Variants in PCDHGA9 observed in about 807,000 individuals in gnomAD.
PCDHGA9 encodes the protein protocadherin gamma-A9.
In PCDHGA9, 37 loss-of-function variants were observed where a neutral mutation model predicts 62.5. The ratio of observed to expected loss-of-function variants is 0.59; its 90% CI spans 0.46 to 0.78. PCDHGA9 has a LOEUF of 0.78. Ranked by LOEUF, PCDHGA9 falls within the 30% of genes least tolerant of loss-of-function variation. PCDHGA9 has a pLI of 0.00. For missense variants in PCDHGA9, 1,138 were observed against 1,166.2 expected (o/e 0.98, Z 0.35); for synonymous variants, 459 against 484.6 (o/e 0.95, Z 0.69).
In PCDHGA9 at chr5:141,433,358, C is replaced by CCTATCTATCTATCTAT. The variant is rs3074541; in HGVS notation, c.2424+28015_2424+28030dup. ...ACAGGTGCAAGCCACCTACTGTCTG[C>CCTATCTATCTATCTAT]CTATCTATCTATCTATCTATCTATC... On this transcript the variant is annotated intron_variant, in intron 1 of 3. Coordinates refer to ENST00000573521, the MANE Select transcript of PCDHGA9 (RefSeq NM_018921.3). 1.1e-3 allele frequency: 566 copies of CCTATCTATCTATCTAT among 504,038 alleles called. 2 individuals carry two copies. The highest frequency in any genetic ancestry group is 1.7e-3 in the East Asian group (49 of 28,778). The allele number at this position is 504,038 out of a possible 1,614,324, so 31.2% of individuals were successfully genotyped here.
Position 141,470,005 on chromosome 5 carries a change from T to A in PCDHGA9, c.2425-24802T>A, listed in dbSNP as rs189976589. Reference sequence around the variant, plus strand: ...AATTAGCTGGTCGTCGTGGCACGCCTGTAATCCCAGCTACTCGGGATGCTG... The same window carrying A: ...AATTAGCTGGTCGTCGTGGCACGCCAGTAATCCCAGCTACTCGGGATGCTG... On this transcript the variant is annotated intron_variant, in intron 1 of 3. Coordinates refer to ENST00000573521, the MANE Select transcript of PCDHGA9 (RefSeq NM_018921.3). 2.4e-4 allele frequency among the ~76,000 whole-genome samples: 37 copies of A among 152,254 alleles called. 2 individuals carry two copies. The highest frequency in any genetic ancestry group is 7.2e-4 in the Admixed American group (11 of 15,274).
Position 141,476,949 on chromosome 5 carries a change from A to G in PCDHGA9, c.2425-17858A>G. The stretch of plus-strand genomic sequence containing the variant: ...GATCTGGATGAAGGCCCCAACGGTG[A>G]AATTATTTACTCCTTCGGCAGCCAC... On this transcript the variant is annotated intron_variant, in intron 1 of 3. Transcript: ENST00000573521. The surrounding 1 kb of genome is among the most constrained non-coding windows in gnomAD (Gnocchi z 7.6). 6.2e-7 allele frequency: 1 copy of G among 1,614,200 alleles called. No individual in the cohort carries two copies. Among genetic ancestry groups the G allele is most frequent in the Admixed American group, 1.7e-5 (1 of 60,038 alleles).
rs373297942 is a variant in PCDHGA9 at position 141,431,494 on chromosome 5, C to G, written c.2424+26118C>G. ...ACAACGCACCAGCGTTTGCTCAGCCCGAGTACCGCGCGAGCGTTCCGGAGA... is the reference window on the plus strand; with the variant it reads ...ACAACGCACCAGCGTTTGCTCAGCCGGAGTACCGCGCGAGCGTTCCGGAGA... On this transcript the variant is annotated intron_variant, in intron 1 of 3. Transcript: ENST00000573521. This position sits in a 1 kb window ranked among gnomAD's most constrained non-coding sequence, Gnocchi z 4.8. 16 of 1,613,838 alleles carry G rather than the reference C, an allele frequency of 9.9e-6. No individual in the cohort carries two copies. The highest frequency in any genetic ancestry group is 1.4e-5 in the Non-Finnish European group (16 of 1,180,030).
rs888556794 is a variant in PCDHGA9 at position 141,493,414 on chromosome 5, A to T, written c.2425-1393A>T. Among the ~76,000 whole-genome samples, 2 of 152,058 alleles carry T rather than the reference A, an allele frequency of 1.3e-5. No individual in the cohort carries two copies. Among genetic ancestry groups the T allele is most frequent in the Admixed American group, 6.6e-5 (1 of 15,248 alleles). ...GGAGAGGGGAGTTGCCTCTGCTGGG[A>T]TTTTGCTTCTGCTGGGATGGGGCAA... On this transcript the variant is annotated intron_variant, in intron 1 of 3. Coordinates refer to ENST00000573521, the MANE Select transcript of PCDHGA9 (RefSeq NM_018921.3). The surrounding 1 kb of genome is among the most constrained non-coding windows in gnomAD (Gnocchi z 4.3).
At position 141,403,454 on chromosome 5, in the gene PCDHGA9, C is replaced by A; in HGVS notation, c.502C>A (p.Gln168Lys). 6.2e-7 allele frequency: 1 copy of A among 1,614,054 alleles called. No homozygotes were observed. Among genetic ancestry groups the A allele is most frequent in the Non-Finnish European group, 8.5e-7 (1 of 1,179,902 alleles). Reference sequence around the variant, plus strand: ...TCCGGATGTTGGCGTGAACTCCCTCCAGAGCTACCAGCTCAGCCCCAATCA... The same window carrying A: ...TCCGGATGTTGGCGTGAACTCCCTCAAGAGCTACCAGCTCAGCCCCAATCA... ...IDPDVGVNSL[Q>K]SYQLSPNHHF... Residue 168 changes from glutamine to lysine, a missense_variant, in exon 1 of 4, where the codon CAG becomes AAG. By Grantham distance (53) the Gln-to-Lys change is moderately conservative. Transcript: ENST00000573521.
At chr5:141,471,860 A>G (rs1470502617) in intron 1 of PCDHGA9, among the ~76,000 whole-genome samples, 1 of 152,202 alleles carries the variant, frequency 6.6e-6, no homozygotes, top group Non-Finnish European at 1.5e-5. Flanking sequence ...AAAAAGCAAA[A>G]CTGTGGTTGC....
intron 1 of PCDHGA9, chr5:141,409,079 T>C (rs2095221320): frequency 2.5e-6 from 4 of 1,613,908 alleles, no homozygotes; most frequent in Non-Finnish European, 3.4e-6. Context: ...ACATATGTTC[T>C]CATTGGATGA....
At chr5:141,429,039 A>G (rs565483195) in intron 1 of PCDHGA9, 1 of 152,202 alleles carries the variant, frequency 6.6e-6, no homozygotes, top group East Asian at 1.9e-4. Flanking sequence ...CATTTTTAGT[A>G]CAGACGGGGT....
chr5:141,414,723 C>A (rs775890033), intron 1 of PCDHGA9: 2 of 1,614,170 alleles, frequency 1.2e-6, no homozygotes, highest in South Asian at 2.2e-5. Flanking sequence ...CAGACACTGG[C>A]GTCCTGTATG....
At chr5:141,479,964 A>G (rs188553800) in intron 1 of PCDHGA9, among the ~76,000 whole-genome samples, 1 of 152,330 alleles carries the variant, frequency 6.6e-6, no homozygotes, top group East Asian at 1.9e-4. Context: ...AGTTAGTCAA[A>G]TGAGGTTCTA....
At position 141,476,002 on chromosome 5, in the gene PCDHGA9, C is replaced by A; in HGVS notation, c.2425-18805C>A. 1 of 1,247,396 alleles carries A rather than the reference C, an allele frequency of 8.0e-7. No individual in the cohort carries two copies. Among genetic ancestry groups the A allele is most frequent in the Non-Finnish European group, 1.1e-6 (1 of 904,880 alleles). 77.3% of individuals were successfully genotyped at this position (1,247,396 alleles called of 1,614,324 possible). ...AGCCGGCGAGCAAATCAACGGCATC[C>A]AGAAAGCCATGTCGGACTCGGCGCC... On this transcript the variant is annotated intron_variant, in intron 1 of 3. Transcript: ENST00000573521. This position sits in a 1 kb window ranked among gnomAD's most constrained non-coding sequence, Gnocchi z 7.6.
At chr5:141,435,954 G>A (rs1163590812) in intron 1 of PCDHGA9, among the ~76,000 whole-genome samples, 2 of 152,092 alleles carry the variant, frequency 1.3e-5, no homozygotes, top group African/African-American at 2.4e-5. Flanking sequence ...AAAAAAGGGG[G>A]CAAAATATAG....
intron 1 of PCDHGA9, chr5:141,409,419 CAGAT>C (rs1303289792): frequency 3.1e-6 from 5 of 1,614,028 alleles, no homozygotes; most frequent in Non-Finnish European, 3.4e-6. Context: ...AAACTGGTGA[CAGAT>C]GGAGCCCTGG....
chr5:141,485,093 T>C lies in PCDHGA9; in HGVS notation c.2425-9714T>C. 1 of 1,076,296 alleles carries C rather than the reference T, an allele frequency of 9.3e-7. No homozygotes were observed. Among genetic ancestry groups the C allele is most frequent in the Non-Finnish European group, 1.4e-6 (1 of 718,118 alleles). 66.7% of individuals were successfully genotyped at this position (1,076,296 alleles called of 1,614,324 possible). ...TGGCGCGGGGAAAGGGAGATAGGTG[T>C]CTCCAGCTGCTGTGGCTGTTTGGGG... On this transcript the variant is annotated intron_variant, in intron 1 of 3. Coordinates refer to ENST00000573521, the MANE Select transcript of PCDHGA9 (RefSeq NM_018921.3). The surrounding 1 kb of genome is among the most constrained non-coding windows in gnomAD (Gnocchi z 5.7).
Position 141,420,101 on chromosome 5 carries a change from T to A in PCDHGA9, c.2424+14725T>A. 5 of 1,614,046 alleles carry A rather than the reference T, an allele frequency of 3.1e-6. No homozygotes were observed. Among genetic ancestry groups the A allele is most frequent in the Non-Finnish European group, 4.2e-6 (5 of 1,179,870 alleles). ...TCCCCCCAACTACAGTGAGGGAACGTTGCCCTATGCCTATAATTTTTGTGT... is the reference window on the plus strand; with the variant it reads ...TCCCCCCAACTACAGTGAGGGAACGATGCCCTATGCCTATAATTTTTGTGT... On this transcript the variant is annotated intron_variant, in intron 1 of 3. Transcript: ENST00000573521.
chr5:141,456,427 T>A (rs1156577293), intron 1 of PCDHGA9, among the ~76,000 whole-genome samples: 1 of 152,166 alleles, frequency 6.6e-6, no homozygotes, highest in East Asian at 1.9e-4. Context: ...ATTCAAGTTA[T>A]AGTATTGAGT....
chr5:141,500,394 A>G (rs1024641290), intron 2 of PCDHGA9, among the ~76,000 whole-genome samples: 1 of 151,922 alleles, frequency 6.6e-6, no homozygotes, highest in Non-Finnish European at 1.5e-5. Flanking sequence ...TATTTTTAGT[A>G]GAGACGGGGT....
intron 1 of PCDHGA9, chr5:141,471,430 G>A (rs2099257545): frequency 6.6e-6 from 1 of 152,140 alleles, no homozygotes; most frequent in South Asian, 2.1e-4. Flanking sequence ...CAAGGAAAGT[G>A]TATAATCTCA....
chr5:141,509,421 A>T (rs939726886), intron 3 of PCDHGA9, among the ~76,000 whole-genome samples: 5 of 152,088 alleles, frequency 3.3e-5, no homozygotes, highest in Non-Finnish European at 1.5e-5. Context: ...AGCCCCAATG[A>T]GTCAAACTCT....
Sources: allele counts gnomAD v4.1 joint callset (sites outside exome capture counted in the v4.1 genomes callset), GRCh38; gene constraint gnomAD v4.1.1; non-coding constraint Gnocchi (gnomAD v3.1); transcripts MANE v1.5; gene names NCBI Gene and HGNC (gene_info 2026-07-23, HGNC 2026-07-21).